AGBL4: variants seen among roughly 807,000 people sequenced by gnomAD.
AGBL4 encodes the protein cytosolic carboxypeptidase 6.
Under a neutral mutation model 66.4 loss-of-function variants are expected in AGBL4, and 58 were observed. The observed-to-expected ratio is 0.87, with a 90% confidence interval of 0.71 to 1.09. The LOEUF is 1.09. Ranked by LOEUF, AGBL4 falls within the 50% of genes least tolerant of loss-of-function variation. AGBL4 has a pLI of 0.00. For missense variants in AGBL4, 579 were observed against 631.0 expected (o/e 0.92, Z 0.88); for synonymous variants, 234 against 222.9 (o/e 1.05, Z -0.44).
At chr1:49,984,933 T>C (rs1248184279) in intron 1 of AGBL4, among the ~76,000 whole-genome samples, 1 of 152,112 alleles carries the variant, frequency 6.6e-6, no homozygotes, top group African/African-American at 2.4e-5. Flanking sequence ...GAGTTAACAA[T>C]AGAACCCTGG....
chr1:48,776,863 A>C, intron 6 of AGBL4: 3 of 1,403,288 alleles, frequency 2.1e-6, no homozygotes, highest in Non-Finnish European at 2.8e-6. Flanking sequence ...CCGGTCGGGC[A>C]GCTCAGCCCG....
chr1:49,376,457 A>G (rs570189158), intron 3 of AGBL4, among the ~76,000 whole-genome samples: 4 of 152,192 alleles, frequency 2.6e-5, no homozygotes, highest in African/African-American at 9.6e-5. Context: ...ACAAGGCCAC[A>G]TAAAAGAGTT....
chr1:49,139,379 A>T lies in AGBL4; in HGVS notation c.378-93579T>A, dbSNP rs572148272. On this transcript the variant is annotated intron_variant, in intron 4 of 13. Transcript: ENST00000371839. Reference sequence around the variant, plus strand: ...AGTGGCACCATTCATTTATTCATTCATCCATCTACCAATCCATTCATCCAT... The same window carrying T: ...AGTGGCACCATTCATTTATTCATTCTTCCATCTACCAATCCATTCATCCAT... 2.6e-5 allele frequency among the ~76,000 whole-genome samples: 4 copies of T among 152,244 alleles called. No individual in the cohort carries two copies. In the East Asian group the frequency reaches 7.7e-4, roughly 29 times the overall value.
chr1:49,652,490 C>T (rs757784194), intron 3 of AGBL4, among the ~76,000 whole-genome samples: 8 of 152,212 alleles, frequency 5.3e-5, no homozygotes, highest in East Asian at 1.9e-4. Context: ...GGTGGCTGCT[C>T]GAGCAGGCAC....
intron 3 of AGBL4, among the ~76,000 whole-genome samples, chr1:49,500,148 ATGTT>A (rs1648004427): frequency 6.6e-6 from 1 of 151,882 alleles, no homozygotes; most frequent in Middle Eastern, 3.2e-3. Flanking sequence ...ATTTTTTCAT[ATGTT>A]TGTTAGCCAT....
At chr1:49,575,708 C>T (rs926006642) in intron 3 of AGBL4, among the ~76,000 whole-genome samples, 1 of 152,242 alleles carries the variant, frequency 6.6e-6, no homozygotes, top group Non-Finnish European at 1.5e-5. Flanking sequence ...AATACATCTC[C>T]TGGTACCTAG....
At chr1:49,258,701 G>A (rs1262440410) in intron 3 of AGBL4, among the ~76,000 whole-genome samples, 1 of 152,172 alleles carries the variant, frequency 6.6e-6, no homozygotes, top group African/African-American at 2.4e-5. Flanking sequence ...GAAAGTGACG[G>A]GGAGAATGGA....
At chr1:48,780,005 C>T (rs375857442) in intron 6 of AGBL4, among the ~76,000 whole-genome samples, 32 of 151,992 alleles carry the variant, frequency 2.1e-4, no homozygotes, top group Admixed American at 9.8e-4. Flanking sequence ...TGAGCCACCG[C>T]GCCCGGCCTT....
intron 1 of AGBL4, among the ~76,000 whole-genome samples, chr1:50,008,311 C>T (rs1052571194): frequency 6.6e-6 from 1 of 152,122 alleles, no homozygotes; most frequent in African/African-American, 2.4e-5. Context: ...AAAATTATAT[C>T]AAGTATCTTC....
At chr1:49,753,281 C>T (rs1651620990) in intron 2 of AGBL4, among the ~76,000 whole-genome samples, 1 of 152,208 alleles carries the variant, frequency 6.6e-6, no homozygotes, top group South Asian at 2.1e-4. Context: ...CAAAATCCTT[C>T]AGCATTTGCT....
intron 5 of AGBL4, among the ~76,000 whole-genome samples, chr1:48,938,836 T>C (rs1655702204): frequency 6.6e-6 from 1 of 152,178 alleles, no homozygotes; most frequent in African/African-American, 2.4e-5. Context: ...TTTCCCCCAA[T>C]ATTTGTGTTT....
At chr1:49,594,870 G>C (rs1644822199) in intron 3 of AGBL4, among the ~76,000 whole-genome samples, 1 of 152,090 alleles carries the variant, frequency 6.6e-6, no homozygotes, top group African/African-American at 2.4e-5. Context: ...ATAATTCTTT[G>C]GGTATATACC....
chr1:49,108,981 T>C (rs1439844956), intron 4 of AGBL4, among the ~76,000 whole-genome samples: 1 of 152,168 alleles, frequency 6.6e-6, no homozygotes, highest in African/African-American at 2.4e-5. Context: ...TCCAGTTACC[T>C]ACCTGAAAAA....
At chr1:49,881,115 G>A (rs111290786) in intron 1 of AGBL4, among the ~76,000 whole-genome samples, 18 of 152,188 alleles carry the variant, frequency 1.2e-4, no homozygotes, top group Admixed American at 2.0e-4. Flanking sequence ...GAAATCACCC[G>A]TCTTCTGCGT....
intron 3 of AGBL4, among the ~76,000 whole-genome samples, chr1:49,687,233 C>T (rs1014624625): frequency 3.3e-5 from 5 of 152,092 alleles, no homozygotes; most frequent in African/African-American, 1.2e-4. Flanking sequence ...GACAAAACCA[C>T]AGTTGGAAGA....
intron 3 of AGBL4, among the ~76,000 whole-genome samples, chr1:49,341,764 G>T (rs1429021159): frequency 6.6e-6 from 1 of 152,176 alleles, no homozygotes; most frequent in Non-Finnish European, 1.5e-5. Context: ...ATCCCTTCAT[G>T]ACTGACAAGA....
At chr1:48,898,066 C>T (rs1260059000) in intron 5 of AGBL4, among the ~76,000 whole-genome samples, 1 of 152,106 alleles carries the variant, frequency 6.6e-6, no homozygotes, top group Non-Finnish European at 1.5e-5. Flanking sequence ...CTGCCTTGGC[C>T]TCCCAAAGTG....
intron 6 of AGBL4, among the ~76,000 whole-genome samples, chr1:48,752,896 C>T (rs914231668): frequency 2.0e-5 from 3 of 152,206 alleles, no homozygotes; most frequent in South Asian, 2.1e-4. Flanking sequence ...ACTACAGGCA[C>T]GCGCCCCCAT....
intron 6 of AGBL4, among the ~76,000 whole-genome samples, chr1:48,783,098 A>G (rs1557991166): frequency 6.6e-6 from 1 of 152,154 alleles, no homozygotes; most frequent in Non-Finnish European, 1.5e-5. Flanking sequence ...ATGGCCTTTT[A>G]CATTTTTTAA....
Sources: gnomAD v4.1 joint callset for allele counts (sites outside exome capture counted in the v4.1 genomes callset) on GRCh38, gnomAD v4.1.1 for gene constraint, MANE v1.5 for transcripts, NCBI Gene and HGNC (gene_info 2026-07-23, HGNC 2026-07-21) for gene names.